The following AIDA variants were observed in gnomAD, a reference collection of about 807,000 sequenced individuals.
AIDA encodes the protein axin interactor, dorsalization associated.
Under a neutral mutation model 42.7 loss-of-function variants are expected in AIDA, and 18 were observed. The ratio of observed to expected loss-of-function variants is 0.42; its 90% CI spans 0.29 to 0.63. The LOEUF (loss-of-function observed/expected upper bound fraction) is 0.63. Ranked by LOEUF, AIDA falls within the 20% of genes least tolerant of loss-of-function variation. AIDA has a pLI of 0.19. For synonymous variants in AIDA, 104 were observed against 122.9 expected (o/e 0.85, Z 1.02); for missense variants, 250 against 354.1 (o/e 0.71, Z 2.36).
At chr1:222,682,537 T>C (rs1664672548) in intron 6 of AIDA, among the ~76,000 whole-genome samples, 2 of 152,162 alleles carry the variant, frequency 1.3e-5, no homozygotes, top group African/African-American at 4.8e-5. Context: ...CAGAATTCAA[T>C]CAGGTGTCTA....
chr1:222,676,430 C>G (rs1218938025), intron 6 of AIDA, among the ~76,000 whole-genome samples: 1 of 152,082 alleles, frequency 6.6e-6, no homozygotes, highest in African/African-American at 2.4e-5. Context: ...ATAGTCACCA[C>G]TAAAGCAGAA....
intron 7 of AIDA, among the ~76,000 whole-genome samples, chr1:222,673,964 G>A (rs888125797): frequency 6.6e-6 from 1 of 150,928 alleles, no homozygotes; most frequent in Non-Finnish European, 1.5e-5. Flanking sequence ...GTGCACACCT[G>A]TAATCCCAGC....
chr1:222,702,708 C>G (rs1254507416), intron 2 of AIDA, among the ~76,000 whole-genome samples: 1 of 152,110 alleles, frequency 6.6e-6, no homozygotes, highest in Non-Finnish European at 1.5e-5. Flanking sequence ...TTTGTTTGTT[C>G]TGAGAGAAGG....
chr1:222,671,070 T>A (rs979591648), intron 8 of AIDA, among the ~76,000 whole-genome samples: 2 of 151,578 alleles, frequency 1.3e-5, no homozygotes, highest in Non-Finnish European at 2.9e-5. Flanking sequence ...ACAAAAAAAA[T>A]TTTAAAAATA....
intron 2 of AIDA, among the ~76,000 whole-genome samples, chr1:222,701,761 T>TCC (rs1023820862): frequency 1.3e-5 from 2 of 152,238 alleles, no homozygotes; most frequent in Admixed American, 6.5e-5. Context: ...GCTCTGGCTG[T>TCC]CGCGCAGGCT....
intron 2 of AIDA, among the ~76,000 whole-genome samples, chr1:222,702,341 C>G (rs1393275661): frequency 1.3e-5 from 2 of 152,154 alleles, no homozygotes; most frequent in Admixed American, 1.3e-4. Flanking sequence ...AGTTTTCACA[C>G]TGTCTTTTCT....
intron 4 of AIDA, among the ~76,000 whole-genome samples, chr1:222,692,976 A>G (rs1313940307): frequency 1.3e-5 from 2 of 152,226 alleles, no homozygotes; most frequent in Non-Finnish European, 2.9e-5. Context: ...TGCAAGTTAT[A>G]GTCATTAATT....
At position 222,712,488 on chromosome 1, in the gene AIDA, T is replaced by C. The variant is rs2124977389; in HGVS notation, c.-171A>G. 2 of 1,414,126 alleles carry C rather than the reference T, an allele frequency of 1.4e-6. No homozygotes were observed. The highest frequency in any genetic ancestry group is 5.3e-5 in the East Asian group (2 of 37,682). 87.6% of individuals were successfully genotyped at this position (1,414,126 alleles called of 1,614,324 possible). A position where few individuals can be genotyped will look rare whatever the true frequency, so the allele number is the denominator to read the frequency against. ...AGCCCATTTGCCGCCACAGCCAAAC[T>C]TTGCGGCTCCAAAGCGACCGCCCCG... On this transcript the variant is annotated 5_prime_UTR_variant, in exon 1 of 10. Coordinates refer to ENST00000340020, the MANE Select transcript of AIDA (RefSeq NM_022831.4).
intron 7 of AIDA, among the ~76,000 whole-genome samples, chr1:222,674,582 CCCTT>C (rs1664512650): frequency 1.3e-5 from 2 of 152,130 alleles, no homozygotes; most frequent in African/African-American, 4.8e-5. Flanking sequence ...GCCAATGAAA[CCCTT>C]CCATCAATGA....
chr1:222,694,223 C>T lies in AIDA; in HGVS notation c.221G>A (p.Ser74Asn), dbSNP rs1247280933. The T allele has an allele frequency of 6.2e-7, 1 of 1,611,606 alleles. No individual in the cohort carries two copies. Among genetic ancestry groups the T allele is most frequent in the African/African-American group, 1.3e-5 (1 of 74,808 alleles). ...AAAACTCCTTACCTGTAAAGCTGCACTTCGCAATTCCAAGCATGTTGCAAT... is the reference window on the plus strand; with the variant it reads ...AAAACTCCTTACCTGTAAAGCTGCATTTCGCAATTCCAAGCATGTTGCAAT... ...GKIATCLELRSAALQSTQSQE... is the reference protein window; with the variant it reads ...GKIATCLELRNAALQSTQSQE... Residue 74 changes from serine (S) to asparagine (N), a missense_variant, in exon 3 of 10, where the codon AGT becomes AAT. Transcript: ENST00000340020.
chr1:222,693,910 T>C (rs1362934789), intron 3 of AIDA, 67 bp from the exon 4 acceptor site: 1 of 1,268,892 alleles, frequency 7.9e-7, no homozygotes, highest in Non-Finnish European at 1.1e-6. Context: ...GTCTTTTAAG[T>C]GGCAAGAACC....
intron 4 of AIDA, among the ~76,000 whole-genome samples, chr1:222,691,213 C>T (rs1370550469): frequency 6.6e-6 from 1 of 152,012 alleles, no homozygotes; most frequent in Non-Finnish European, 1.5e-5. Context: ...TAGCGAACAG[C>T]CTGGAGCAAC....
intron 1 of AIDA, among the ~76,000 whole-genome samples, chr1:222,709,412 C>A (rs182095859): frequency 6.6e-6 from 1 of 151,876 alleles, no homozygotes; most frequent in Non-Finnish European, 1.5e-5. Context: ...GCCTGGGTGA[C>A]AGAGCAAGAC....
At chr1:222,698,983 G>A (rs1417755137) in intron 2 of AIDA, among the ~76,000 whole-genome samples, 5 of 151,540 alleles carry the variant, frequency 3.3e-5, no homozygotes, top group Non-Finnish European at 7.4e-5. Context: ...CCGCCACCAC[G>A]CCTGGCTAAT....
chr1:222,710,378 C>T (rs904631661), intron 1 of AIDA, among the ~76,000 whole-genome samples: 1 of 152,210 alleles, frequency 6.6e-6, no homozygotes, highest in African/African-American at 2.4e-5. Flanking sequence ...TCACCCTCAC[C>T]TTCATGTTCC....
At chr1:222,708,138 G>A (rs534243383) in intron 1 of AIDA, among the ~76,000 whole-genome samples, 4 of 151,850 alleles carry the variant, frequency 2.6e-5, no homozygotes, top group East Asian at 2.0e-4. Flanking sequence ...GTGAAACCCC[G>A]TCTCTACTAA....
chr1:222,689,481 G>GTATGTGTATA (rs1553294373), intron 4 of AIDA, among the ~76,000 whole-genome samples: 9 of 35,330 alleles, frequency 2.5e-4, no homozygotes, highest in Non-Finnish European at 3.6e-4. Flanking sequence ...GTGTGTGTGT[G>GTATGTGTATA]TATATATATA....
chr1:222,708,487 C>G (rs1655903340), intron 1 of AIDA, among the ~76,000 whole-genome samples: 1 of 151,830 alleles, frequency 6.6e-6, no homozygotes. Flanking sequence ...TGTGCCTCAG[C>G]CTCCCGAGCA....
intron 4 of AIDA, among the ~76,000 whole-genome samples, chr1:222,690,495 G>A (rs1466112839): frequency 6.6e-6 from 1 of 152,080 alleles, no homozygotes; most frequent in East Asian, 1.9e-4. Context: ...AGACCTAAAA[G>A]GCTTCCATGA....
Sources: gnomAD v4.1 joint callset for allele counts (sites outside exome capture counted in the v4.1 genomes callset) on GRCh38, gnomAD v4.1.1 for gene constraint, MANE v1.5 for transcripts, NCBI Gene and HGNC (gene_info 2026-07-23, HGNC 2026-07-21) for gene names.